The following SH3BP2 variants were observed in gnomAD, a reference collection of about 807,000 sequenced individuals.
The protein encoded by SH3BP2 is SH3 domain-binding protein 2.
A neutral mutation model predicts 56.2 loss-of-function variants in SH3BP2; 38 were observed. The ratio of observed to expected loss-of-function variants is 0.68; its 90% CI spans 0.52 to 0.89. The LOEUF (loss-of-function observed/expected upper bound fraction) is 0.89, where lower values mean the gene tolerates loss of function less well. Among genes scored for constraint, SH3BP2 ranks in the 40% least tolerant of loss-of-function variants. The pLI is 0.00. For synonymous variants in SH3BP2, 346 were observed against 316.7 expected (o/e 1.09, Z -0.98); for missense variants, 748 against 762.6 (o/e 0.98, Z 0.23).
intron 1 of SH3BP2, chr4:2,799,184 C>T (rs189092250): frequency 8.9e-5 from 88 of 985,622 alleles, no homozygotes; most frequent in South Asian, 2.3e-4. Flanking sequence ...TCCTCCCCAC[C>T]GGAGGAGCTG....
chr4:2,832,873 C>T lies in SH3BP2; in HGVS notation c.1489-117C>T, dbSNP rs1021512460. ...TGGTCTGGAGTCCCTCCCCGCCCCC[C>T]GAGGGCCACAGGACCCAGCCTTGAT... On this transcript the variant is annotated intron_variant, in intron 11 of 12. Transcript: ENST00000503393. 4.6e-5 allele frequency: 48 copies of T among 1,049,246 alleles called. 1 individual carries two copies. The highest frequency in any genetic ancestry group is 1.0e-4 in the Admixed American group (6 of 58,652). The allele number at this position is 1,049,246 out of a possible 1,614,324, so 65.0% of individuals were successfully genotyped here. A position where few individuals can be genotyped will look rare whatever the true frequency, so the allele number is the denominator to read the frequency against.
chr4:2,821,370 G>A (rs897435242), intron 2 of SH3BP2, among the ~76,000 whole-genome samples: 6 of 152,186 alleles, frequency 3.9e-5, no homozygotes, highest in South Asian at 2.1e-4. Context: ...GTTCCTGTAC[G>A]GGCACTGGTT....
At chr4:2,815,408 C>G (rs1344000545) in intron 1 of SH3BP2, among the ~76,000 whole-genome samples, 1 of 152,214 alleles carries the variant, frequency 6.6e-6, no homozygotes, top group African/African-American at 2.4e-5. Context: ...GTCCCCCTGC[C>G]CAGGGTCAGC....
At chr4:2,812,440 C>T (rs1327887266) in intron 1 of SH3BP2, 61 of 1,550,132 alleles carry the variant, frequency 3.9e-5, no homozygotes, top group Middle Eastern at 1.7e-4. Context: ...GAGCAGGTCA[C>T]GAGGACGGAG....
chr4:2,823,537 T>C (rs1448205850), intron 3 of SH3BP2: 4 of 456,098 alleles, frequency 8.8e-6, no homozygotes, highest in African/African-American at 8.0e-5. Context: ...TGATGGGCCA[T>C]GAGCTGCCCT....
chr4:2,828,582 C>T (rs1176634662), intron 7 of SH3BP2, among the ~76,000 whole-genome samples: 2 of 152,248 alleles, frequency 1.3e-5, no homozygotes, highest in Admixed American at 6.5e-5. Context: ...CACACTACTG[C>T]CTTCCGTCTT....
rs148376879 is a variant in SH3BP2 at position 2,831,979 on chromosome 4, G to A, written c.1406+1G>A. 1.2e-6 allele frequency: 2 copies of A among 1,612,950 alleles called. No homozygotes were observed. The highest frequency in any genetic ancestry group is 8.5e-7 in the Non-Finnish European group (1 of 1,179,996). On this transcript the variant is annotated splice_donor_variant, in intron 10 of 12. Transcript: ENST00000503393. LOFTEE classifies it high-confidence loss of function. This position sits in a 1 kb window ranked among gnomAD's most constrained non-coding sequence, Gnocchi z 4.1. ...CCACGGAGTCCTGCGAAGTGGAAAG[G>A]TCAGCACAAAGCCCTGTGTGTGCTG...
At chr4:2,800,232 T>TC (rs1341040968) in intron 1 of SH3BP2, among the ~76,000 whole-genome samples, 2 of 152,066 alleles carry the variant, frequency 1.3e-5, no homozygotes, top group Non-Finnish European at 2.9e-5. Flanking sequence ...GGACTGACTG[T>TC]CCCCGGCTCA....
Position 2,834,079 on chromosome 4 carries a change from C to T in SH3BP2, c.*245C>T, listed in dbSNP as rs2108744094. 1.9e-6 allele frequency: 1 copy of T among 527,950 alleles called. No individual in the cohort carries two copies. The highest frequency in any genetic ancestry group is 3.1e-5 in the East Asian group (1 of 31,942). The allele number at this position is 527,950 out of a possible 1,614,324, so 32.7% of individuals were successfully genotyped here. On this transcript the variant is annotated 3_prime_UTR_variant, in exon 13 of 13. Transcript: ENST00000503393. ...TTGCCCCACACTAACTTGCCCTGTC[C>T]CAATCCCAGAAACCCAGGACCAAGC...
chr4:2,812,408 T>G (rs1480919220), intron 1 of SH3BP2: 4 of 1,550,304 alleles, frequency 2.6e-6, no homozygotes, highest in Non-Finnish European at 3.5e-6. Context: ...ATGGCCTCCC[T>G]GGGCCCCAGG....
rs976285859 is a variant in SH3BP2, at chr4:2,829,044, C to T, written c.587-449C>T. ...GAACTCTGCACACATTCCCTGACCC[C>T]GCATCCCCTGGCATCTCCCAGCTTT... On this transcript the variant is annotated intron_variant, in intron 7 of 12. Transcript: ENST00000503393. This position sits in a 1 kb window ranked among gnomAD's most constrained non-coding sequence, Gnocchi z 4.9. Among the ~76,000 whole-genome samples, 1 of 152,178 alleles carries T rather than the reference C, an allele frequency of 6.6e-6. No individual in the cohort carries two copies. Among genetic ancestry groups the T allele is most frequent in the African/African-American group, 2.4e-5 (1 of 41,440 alleles).
At chr4:2,809,702 C>A in intron 1 of SH3BP2, 2 of 739,088 alleles carry the variant, frequency 2.7e-6, no homozygotes, top group Non-Finnish European at 3.3e-6. Context: ...ACCCACTGTG[C>A]TGGGTGTTTG....
chr4:2,813,786 TGA>T (rs1425790405), intron 1 of SH3BP2, among the ~76,000 whole-genome samples: 1 of 152,118 alleles, frequency 6.6e-6, no homozygotes, highest in Non-Finnish European at 1.5e-5. Flanking sequence ...TGAGTGTGTA[TGA>T]GAACATGAGA....
intron 1 of SH3BP2, chr4:2,809,691 C>T (rs1723668845): frequency 1.6e-6 from 1 of 644,486 alleles, no homozygotes; most frequent in Non-Finnish European, 1.9e-6. Context: ...CTGCAGACAC[C>T]ACCCACTGTG....
intron 1 of SH3BP2, chr4:2,818,184 A>G: frequency 1.0e-6 from 1 of 983,488 alleles, no homozygotes; most frequent in East Asian, 1.1e-4. Flanking sequence ...CCCCGCCGAG[A>G]GGGGAGGAGC....
At chr4:2,827,163 G>C (rs1167808367) in intron 5 of SH3BP2, 67 bp from the exon 6 acceptor site, 1 of 1,273,672 alleles carries the variant, frequency 7.9e-7, no homozygotes. Context: ...GTGTACCTTT[G>C]TGTGAGCATC....
intron 7 of SH3BP2, 71 bp downstream of exon 7, chr4:2,827,745 C>G: frequency 7.4e-7 from 1 of 1,351,526 alleles, no homozygotes. Context: ...GGAGCAGAGC[C>G]CCTCCGAGGC....
intron 1 of SH3BP2, among the ~76,000 whole-genome samples, chr4:2,809,205 C>T (rs1362020359): frequency 2.9e-4 from 8 of 27,704 alleles, no homozygotes; most frequent in Non-Finnish European, 3.3e-4. Context: ...CCCCCAGGCT[C>T]TGTGCCCACC....
rs770940629 is a variant in SH3BP2, at chr4:2,829,622, C to G, written c.716C>G (p.Pro239Arg). 1 of 1,612,846 alleles carries G rather than the reference C, an allele frequency of 6.2e-7. No individual in the cohort carries two copies. Among genetic ancestry groups the G allele is most frequent in the Non-Finnish European group, 8.5e-7 (1 of 1,179,660 alleles). ...CCCGGTCCCCTACTGCCACCCCCGC[C>G]CCCTAAGCACGGCCTCCCAGATGTT... Reference protein sequence around the residue: ...KGPGPLLPPPPPKHGLPDVGL... With the variant: ...KGPGPLLPPPRPKHGLPDVGL... Residue 239 changes from proline (P) to arginine (R), a missense_variant, in exon 8 of 13, where the codon CCC becomes CGC. Coordinates refer to ENST00000503393, the MANE Select transcript of SH3BP2 (RefSeq NM_001122681.2). The surrounding 1 kb of genome is among the most constrained non-coding windows in gnomAD (Gnocchi z 4.9).
Sources: allele counts gnomAD v4.1 joint callset (sites outside exome capture counted in the v4.1 genomes callset), GRCh38; gene constraint gnomAD v4.1.1; non-coding constraint Gnocchi (gnomAD v3.1); transcripts MANE v1.5; gene names NCBI Gene and HGNC (gene_info 2026-07-23, HGNC 2026-07-21).